The following ENAH variants were observed in gnomAD, a reference collection of about 807,000 sequenced individuals.
ENAH encodes protein enabled homolog.
ENAH carries 23 observed loss-of-function variants against 78.7 expected under a neutral mutation model. The ratio of observed to expected loss-of-function variants is 0.29; its 90% confidence interval spans 0.21 to 0.41. The LOEUF is 0.41. Ranked by LOEUF, ENAH falls within the 10% of genes least tolerant of loss-of-function variation. The pLI is 1.00. For missense variants in ENAH, 544 were observed against 691.0 expected, an observed-to-expected ratio of 0.79 and a Z score of 2.39; for synonymous variants, 226 against 241.0, an observed-to-expected ratio of 0.94 and a Z score of 0.58.
chr1:225,631,455 T>C (rs953036061), intron 1 of ENAH, among the ~76,000 whole-genome samples: 1 of 151,528 alleles, frequency 6.6e-6, no homozygotes, highest in Non-Finnish European at 1.5e-5. Context: ...ACGCCTGTAG[T>C]CCCAGCTACT....
chr1:225,517,422 T>C (rs2096429634), intron 5 of ENAH, 116 bp from the exon 6 acceptor site: 7 of 1,551,590 alleles, frequency 4.5e-6, no homozygotes, highest in Admixed American at 2.0e-5. Context: ...GGGAAGGCAG[T>C]GGAGGCGGCG....
At chr1:225,506,251 G>A (rs1038447028) in intron 11 of ENAH, among the ~76,000 whole-genome samples, 1 of 152,174 alleles carries the variant, frequency 6.6e-6, no homozygotes, top group Non-Finnish European at 1.5e-5. Context: ...GCAATAGCGC[G>A]ATATCAGCTC....
intron 3 of ENAH, among the ~76,000 whole-genome samples, chr1:225,542,003 C>CT (rs1329941054): frequency 6.6e-6 from 1 of 152,152 alleles, no homozygotes; most frequent in African/African-American, 2.4e-5. Flanking sequence ...ACCTCAGTCT[C>CT]TTGAGTATCT....
At chr1:225,524,574 C>T (rs895330875) in intron 4 of ENAH, 7 of 983,888 alleles carry the variant, frequency 7.1e-6, no homozygotes, top group South Asian at 4.7e-5. Flanking sequence ...ATTACAAAGC[C>T]GCTGAGGCAA....
intron 1 of ENAH, among the ~76,000 whole-genome samples, chr1:225,606,736 G>A (rs376004880): frequency 1.4e-4 from 20 of 147,070 alleles, no homozygotes; most frequent in Non-Finnish European, 2.7e-4. Flanking sequence ...CCAGCTACTT[G>A]AGAGGCTGAG....
intron 3 of ENAH, among the ~76,000 whole-genome samples, chr1:225,541,343 G>A (rs988220269): frequency 2.6e-5 from 4 of 152,116 alleles, no homozygotes; most frequent in African/African-American, 9.7e-5. Flanking sequence ...GCTGAGGCAG[G>A]AGAATTGCTT....
chr1:225,504,855 A>T, intron 11 of ENAH: 1 of 501,278 alleles, frequency 2.0e-6, no homozygotes, highest in East Asian at 3.2e-5. Flanking sequence ...TGATGGCAGA[A>T]TTTTTAAAAG....
intron 2 of ENAH, among the ~76,000 whole-genome samples, 154 bp from the exon 3 acceptor site, chr1:225,555,237 A>G (rs912025787): frequency 6.6e-6 from 1 of 152,222 alleles, no homozygotes; most frequent in Non-Finnish European, 1.5e-5. Flanking sequence ...CTACACAAAT[A>G]TCAGTCTGAT....
At chr1:225,517,075 A>G (rs1305641180) in intron 6 of ENAH, 121 bp downstream of exon 6, 6 of 703,270 alleles carry the variant, frequency 8.5e-6, no homozygotes, top group Non-Finnish European at 1.3e-5. Flanking sequence ...AAAGCATGGC[A>G]TTATGGCATA....
chr1:225,606,214 C>T (rs1395166546), intron 1 of ENAH, among the ~76,000 whole-genome samples: 1 of 152,120 alleles, frequency 6.6e-6, no homozygotes, highest in Non-Finnish European at 1.5e-5. Flanking sequence ...GTAATCCCAG[C>T]ACTTTGGAAG....
chr1:225,529,292 T>A (rs139376735), intron 4 of ENAH, among the ~76,000 whole-genome samples: 4 of 152,244 alleles, frequency 2.6e-5, no homozygotes, highest in African/African-American at 9.6e-5. Flanking sequence ...GGCCTCCTTG[T>A]TTTCCCATGT....
At chr1:225,580,912 C>CAAAAAAAAAAAAAAAAA (rs78529288) in intron 1 of ENAH, among the ~76,000 whole-genome samples, 1 of 63,868 alleles carries the variant, frequency 1.6e-5, no homozygotes, top group Non-Finnish European at 3.3e-5. Flanking sequence ...AGAAAAAAAC[C>CAAAAAAAAAAAAAAAAA]AAAAAAAAAA....
At chr1:225,650,862 A>C in intron 1 of ENAH, among the ~76,000 whole-genome samples, 1 of 149,896 alleles carries the variant, frequency 6.7e-6, no homozygotes, top group Middle Eastern at 3.4e-3. Context: ...AAAAAAAAAA[A>C]AAAAAAAAAA....
chr1:225,586,116 T>C (rs951696493), intron 1 of ENAH, among the ~76,000 whole-genome samples: 5 of 151,648 alleles, frequency 3.3e-5, no homozygotes, highest in African/African-American at 1.2e-4. Flanking sequence ...CTTGGGAAGA[T>C]GAGGCTGGAG....
intron 1 of ENAH, among the ~76,000 whole-genome samples, chr1:225,597,387 T>C (rs1420892374): frequency 6.6e-6 from 1 of 152,094 alleles, no homozygotes; most frequent in Non-Finnish European, 1.5e-5. Context: ...AGGCCAGGCA[T>C]GGTGGCTCAC....
At chr1:225,548,291 T>C (rs1266179196) in intron 3 of ENAH, among the ~76,000 whole-genome samples, 1 of 151,916 alleles carries the variant, frequency 6.6e-6, no homozygotes, top group Admixed American at 6.6e-5. Flanking sequence ...ATTCCCATGA[T>C]ATCCTGACAT....
chr1:225,495,749 ATTTC>A lies in ENAH; in HGVS notation c.*2022_*2025del, dbSNP rs1213185327. The A allele has an allele frequency of 2.0e-5, 3 of 152,496 alleles. No homozygotes were observed. Among genetic ancestry groups the A allele is most frequent in the African/African-American group, 7.2e-5 (3 of 41,444 alleles). The allele number at this position is 152,496 out of a possible 1,614,324, so 9.4% of individuals were successfully genotyped here. A position where few individuals can be genotyped will look rare whatever the true frequency, so the allele number is the denominator to read the frequency against. On this transcript the variant is annotated 3_prime_UTR_variant, in exon 14 of 14. Transcript: ENST00000366843. ...AATAATAAAGATGAAAATGCCTCCT[ATTTC>A]TTTTAGAAAATAATACTTAATAAGC...
chr1:225,529,451 C>T (rs191517027), intron 4 of ENAH, among the ~76,000 whole-genome samples: 173 of 152,204 alleles, frequency 1.1e-3, no homozygotes, highest in African/African-American at 3.3e-3. Context: ...AAGTAATGGA[C>T]GGAAAAATAA....
chr1:225,555,219 G>A, intron 2 of ENAH, 136 bp from the exon 3 acceptor site: 1 of 615,336 alleles, frequency 1.6e-6, no homozygotes, highest in Non-Finnish European at 2.6e-6. Flanking sequence ...CAATTATCTG[G>A]GTAAAATCTA....
Sources: allele counts gnomAD v4.1 joint callset (sites outside exome capture counted in the v4.1 genomes callset), GRCh38; gene constraint gnomAD v4.1.1; transcripts MANE v1.5; gene names NCBI Gene and HGNC (gene_info 2026-07-23, HGNC 2026-07-21).